RAPGEF4: variants seen among roughly 807,000 people sequenced by gnomAD.
RAPGEF4 encodes the protein Rap guanine nucleotide exchange factor 4, also known as RAP guanine-nucleotide-exchange factor (GEF) 4.
Under a neutral mutation model 147.9 loss-of-function variants are expected in RAPGEF4, and 66 were observed. The observed-to-expected ratio is 0.45, with a 90% CI of 0.37 to 0.55. RAPGEF4 has a LOEUF of 0.55. Among genes scored for constraint, RAPGEF4 ranks in the 20% least tolerant of loss-of-function variants. The pLI, the probability that RAPGEF4 is intolerant of heterozygous loss-of-function variation, is 0.00. For missense variants in RAPGEF4, 1,071 were observed against 1,257.3 expected (o/e 0.85, Z 2.24); for synonymous variants, 419 against 442.7 (o/e 0.95, Z 0.67).
At chr2:172,884,182 G>A (rs570169353) in intron 4 of RAPGEF4, among the ~76,000 whole-genome samples, 1 of 152,350 alleles carries the variant, frequency 6.6e-6, no homozygotes, top group East Asian at 1.9e-4. Flanking sequence ...GTATGAGGTA[G>A]TTCCTTGCTG....
At chr2:173,018,992 A>G (rs573858992) in intron 22 of RAPGEF4, among the ~76,000 whole-genome samples, 190 bp downstream of exon 22, 5 of 152,336 alleles carry the variant, frequency 3.3e-5, no homozygotes, top group Admixed American at 1.3e-4. Flanking sequence ...CCTATCTGGT[A>G]GGTACCCACT....
chr2:172,879,630 G>A (rs182099922), intron 4 of RAPGEF4, among the ~76,000 whole-genome samples: 7 of 152,054 alleles, frequency 4.6e-5, no homozygotes, highest in Admixed American at 2.0e-4. Flanking sequence ...GCAAGACCCC[G>A]TCTCTACAAA....
intron 4 of RAPGEF4, among the ~76,000 whole-genome samples, chr2:172,818,648 T>C (rs2149618509): frequency 6.6e-6 from 1 of 152,332 alleles, no homozygotes; most frequent in East Asian, 1.9e-4. Context: ...AGCTGCAGGC[T>C]AGAACACTCC....
chr2:172,750,736 A>G (rs190945857), intron 1 of RAPGEF4, among the ~76,000 whole-genome samples: 20 of 152,308 alleles, frequency 1.3e-4, no homozygotes, highest in African/African-American at 4.8e-4. Flanking sequence ...TCTGATGATT[A>G]GTAATGTTGA....
At chr2:172,897,063 C>A (rs564695193) in intron 4 of RAPGEF4, among the ~76,000 whole-genome samples, 59 of 152,136 alleles carry the variant, frequency 3.9e-4, no homozygotes, top group Non-Finnish European at 7.8e-4. Flanking sequence ...GGCTTTCCTG[C>A]ATCTTTTTCT....
intron 4 of RAPGEF4, among the ~76,000 whole-genome samples, chr2:172,912,893 C>CTTT (rs35223351): frequency 1.1e-5 from 1 of 92,568 alleles, no homozygotes; most frequent in Non-Finnish European, 2.2e-5. Context: ...CTCCCTCACT[C>CTTT]TTTTTTTTTT....
At chr2:172,825,748 C>T (rs1689602268) in intron 4 of RAPGEF4, among the ~76,000 whole-genome samples, 2 of 151,976 alleles carry the variant, frequency 1.3e-5, no homozygotes, top group Non-Finnish European at 2.9e-5. Context: ...CACCATAAAC[C>T]TGGCTATATT....
Position 173,020,719 on chromosome 2 carries a change from G to A in RAPGEF4, c.2253+4G>A. On this transcript the variant is annotated splice_donor_region_variant and intron_variant, in intron 23 of 30. Transcript: ENST00000397081. Reference sequence around the variant, plus strand: ...GCGAGAGCAATTCGATTCACTGGTAGGTGTGGATGGCCTGCTCAGAGCAGC... The same window carrying A: ...GCGAGAGCAATTCGATTCACTGGTAAGTGTGGATGGCCTGCTCAGAGCAGC... The A allele has an allele frequency of 1.2e-6, 2 of 1,610,320 alleles. No homozygotes were observed. Among genetic ancestry groups the A allele is most frequent in the East Asian group, 2.2e-5 (1 of 44,816 alleles).
intron 1 of RAPGEF4, among the ~76,000 whole-genome samples, chr2:172,748,438 G>A (rs1694967135): frequency 6.6e-6 from 1 of 152,124 alleles, no homozygotes; most frequent in East Asian, 1.9e-4. Flanking sequence ...GGCAGGCAAG[G>A]GAGAGAAAGA....
intron 3 of RAPGEF4, among the ~76,000 whole-genome samples, chr2:172,812,140 AAG>A (rs1414152541): frequency 6.6e-6 from 1 of 152,220 alleles, no homozygotes; most frequent in East Asian, 1.9e-4. Context: ...TCCTACTTTT[AAG>A]ATCATATCTT....
intron 6 of RAPGEF4, among the ~76,000 whole-genome samples, chr2:172,936,212 C>T (rs556728782): frequency 1.1e-3 from 162 of 152,170 alleles, no homozygotes; most frequent in African/African-American, 3.6e-3. Flanking sequence ...TACTAAAGTA[C>T]AAAAAATTAG....
intron 4 of RAPGEF4, chr2:172,889,803 T>C (rs1575146030): frequency 1.0e-6 from 1 of 978,970 alleles, no homozygotes. Context: ...TTCTAGTCAA[T>C]GTCAGTATTT....
chr2:172,831,559 G>A lies in RAPGEF4; in HGVS notation c.444+17134G>A, dbSNP rs138639543. 1.1e-4 allele frequency among the ~76,000 whole-genome samples: 17 copies of A among 152,042 alleles called. No homozygotes were observed. The East Asian group carries it at 2.5e-3, about 22-fold the overall frequency. ...GTTGGAATTACAGGCGTGAGCCACC[G>A]TGCCTGGCCCAGATAGAAAACTTTA... On this transcript the variant is annotated intron_variant, in intron 4 of 30. Transcript: ENST00000397081.
intron 6 of RAPGEF4, among the ~76,000 whole-genome samples, chr2:172,959,763 T>C (rs1469674743): frequency 1.3e-5 from 2 of 152,328 alleles, no homozygotes; most frequent in Middle Eastern, 3.4e-3. Flanking sequence ...AAGTAATTTT[T>C]CTGGGATTAC....
intron 2 of RAPGEF4, among the ~76,000 whole-genome samples, chr2:172,795,873 G>A (rs1324700356): frequency 6.6e-6 from 1 of 152,160 alleles, no homozygotes; most frequent in African/African-American, 2.4e-5. Flanking sequence ...TGAGGTGTTG[G>A]GCTTTGTCCT....
At chr2:173,029,528 G>A (rs752248621) in intron 25 of RAPGEF4, among the ~76,000 whole-genome samples, 8 of 152,116 alleles carry the variant, frequency 5.3e-5, no homozygotes, top group South Asian at 2.1e-4. Context: ...TAATAATGGC[G>A]TAAGTACAGA....
At chr2:172,775,695 G>A (rs1418741565) in intron 1 of RAPGEF4, among the ~76,000 whole-genome samples, 2 of 151,386 alleles carry the variant, frequency 1.3e-5, no homozygotes, top group Admixed American at 6.6e-5. Context: ...AGACTCAGTG[G>A]GTATGACAAA....
chr2:172,984,419 G>A (rs2602217), intron 11 of RAPGEF4, among the ~76,000 whole-genome samples: 82,846 of 152,002 alleles, frequency 0.55, 23,890 homozygotes, highest in East Asian at 0.89. Flanking sequence ...TGAGAGCAGC[G>A]AGGCATTTGC....
chr2:172,913,343 A>T (rs1683664641), intron 4 of RAPGEF4, among the ~76,000 whole-genome samples: 1 of 152,240 alleles, frequency 6.6e-6, no homozygotes, highest in Admixed American at 6.5e-5. Context: ...CTGTGTAACA[A>T]ACCATGCCAA....
Sources: gnomAD v4.1 joint callset for allele counts (sites outside exome capture counted in the v4.1 genomes callset) on GRCh38, gnomAD v4.1.1 for gene constraint, MANE v1.5 for transcripts, NCBI Gene and HGNC (gene_info 2026-07-23, HGNC 2026-07-21) for gene names.